Variants in AGPAT3 observed in about 807,000 individuals in gnomAD.
AGPAT3 encodes the protein 1-acyl-sn-glycerol-3-phosphate acyltransferase gamma.
AGPAT3 carries 5 observed loss-of-function variants against 47.3 expected under a neutral mutation model. The observed-to-expected ratio is 0.11, with a 90% CI of 0.06 to 0.22. The LOEUF (loss-of-function observed/expected upper bound fraction) is 0.22. AGPAT3 is among the 10% of genes least tolerant of loss of function. The probability of loss-of-function intolerance (pLI) is 1.00; values close to 1 mark genes in which losing one functional copy is unlikely to be tolerated. For missense variants in AGPAT3, 315 were observed against 493.0 expected (o/e 0.64, Z 3.42); for synonymous variants, 212 against 208.3 (o/e 1.02, Z -0.15).
rs1312624268 is a variant in AGPAT3, at chr21:43,952,936, C to A, written c.-48-6698C>A. On this transcript the variant is annotated intron_variant, in intron 2 of 9. Coordinates refer to ENST00000291572, the MANE Select transcript of AGPAT3 (RefSeq NM_020132.5). This position sits in a 1 kb window ranked among gnomAD's most constrained non-coding sequence, Gnocchi z 5.6. ...CCCAGGGTGCTGGGGGCTGCCCAGG[C>A]TATCTGCTGCGGTCAGGGTGTCAGT... 6.6e-6 allele frequency among the ~76,000 whole-genome samples: 1 copy of A among 152,156 alleles called. No individual in the cohort carries two copies. Among genetic ancestry groups the A allele is most frequent in the Non-Finnish European group, 1.5e-5 (1 of 68,026 alleles).
At position 43,961,115 on chromosome 21, in the gene AGPAT3, C is replaced by A. The variant is rs373446637; in HGVS notation, c.178+1256C>A. 5.3e-5 allele frequency among the ~76,000 whole-genome samples: 8 copies of A among 151,678 alleles called. No homozygotes were observed. In the East Asian group the frequency reaches 1.5e-3, roughly 29 times the overall value. On this transcript the variant is annotated intron_variant, in intron 3 of 9. Coordinates refer to ENST00000291572, the MANE Select transcript of AGPAT3 (RefSeq NM_020132.5). The stretch of plus-strand genomic sequence containing the variant: ...AGATCACACCACTGCACCACTCCAG[C>A]CTGGGCAACAGAGCAAGACTCTGTC...
chr21:43,959,801 G>A lies in AGPAT3; in HGVS notation c.120G>A (p.Pro40=), dbSNP rs191570129. Residue 40 remains proline, a synonymous_variant, in exon 3 of 10, where the codon CCG becomes CCA. Coordinates refer to ENST00000291572, the MANE Select transcript of AGPAT3 (RefSeq NM_020132.5). ...AGCTGTGCACGCTGGCGCTCTGGCC[G>A]GTCAGCAAGCAGCTCTACCGCCGCC... ...FVQLCTLALW[P]VSKQLYRRLN... 51 of 1,613,114 alleles carry A rather than the reference G, an allele frequency of 3.2e-5. No homozygotes were observed. The highest frequency in any genetic ancestry group is 6.7e-5 in the East Asian group (3 of 44,874).
intron 2 of AGPAT3, among the ~76,000 whole-genome samples, chr21:43,909,893 AG>A (rs2086592761): frequency 1.3e-5 from 2 of 152,000 alleles, no homozygotes; most frequent in Non-Finnish European, 2.9e-5. Flanking sequence ...CCCGGTGGGG[AG>A]GGGGGCCCAG....
intron 4 of AGPAT3, among the ~76,000 whole-genome samples, chr21:43,968,385 A>G (rs1044631009): frequency 1.1e-4 from 16 of 145,676 alleles, no homozygotes; most frequent in Admixed American, 5.4e-4. Flanking sequence ...AGTGAGCGGC[A>G]AGGGTCCTGG....
chr21:43,950,905 CT>C (rs1434082849), intron 2 of AGPAT3: 1 of 152,302 alleles, frequency 6.6e-6, no homozygotes, highest in African/African-American at 2.4e-5. Context: ...TATGGGACAC[CT>C]AGGCTGGCTT....
intron 1 of AGPAT3, among the ~76,000 whole-genome samples, chr21:43,899,955 C>T (rs1176166601): frequency 6.6e-6 from 1 of 152,178 alleles, no homozygotes; most frequent in African/African-American, 2.4e-5. Flanking sequence ...TGGAGCACCG[C>T]CTTCTTTTTG....
rs2086922209 is a variant in AGPAT3 at position 43,922,533 on chromosome 21, G to C, written c.-49+18514G>C. Among the ~76,000 whole-genome samples, 1 of 152,204 alleles carries C rather than the reference G, an allele frequency of 6.6e-6. No individual in the cohort carries two copies. The highest frequency in any genetic ancestry group is 1.5e-5 in the Non-Finnish European group (1 of 68,030). On this transcript the variant is annotated intron_variant, in intron 2 of 9. Coordinates refer to ENST00000291572, the MANE Select transcript of AGPAT3 (RefSeq NM_020132.5). The surrounding 1 kb of genome is among the most constrained non-coding windows in gnomAD (Gnocchi z 4.9). ...GCAGCACGTGGAGGAGAGTGTCCCT[G>C]TGTCCCTGGAAGAGAGGCCTGCATG...
chr21:43,891,024 C>T (rs2086092784), intron 1 of AGPAT3, among the ~76,000 whole-genome samples: 1 of 152,166 alleles, frequency 6.6e-6, no homozygotes, highest in African/African-American at 2.4e-5. Context: ...AGGTGTGAGC[C>T]ATAATGTCTG....
intron 2 of AGPAT3, among the ~76,000 whole-genome samples, chr21:43,938,606 A>G (rs996710428): frequency 3.3e-5 from 5 of 151,966 alleles, no homozygotes; most frequent in Admixed American, 1.3e-4. Context: ...CAAATCTTCT[A>G]TTTTGTTCAG....
At chr21:43,900,079 GA>G (rs1012277189) in intron 1 of AGPAT3, among the ~76,000 whole-genome samples, 3 of 152,206 alleles carry the variant, frequency 2.0e-5, no homozygotes, top group African/African-American at 7.2e-5. Context: ...GAGAGTAAAT[GA>G]TCTGGAGGTA....
intron 1 of AGPAT3, among the ~76,000 whole-genome samples, chr21:43,902,592 C>T (rs1367155391): frequency 6.6e-6 from 1 of 152,182 alleles, no homozygotes; most frequent in East Asian, 1.9e-4. Flanking sequence ...AGCAGCTGGC[C>T]CGTGTCTTTT....
intron 1 of AGPAT3, among the ~76,000 whole-genome samples, chr21:43,869,540 T>C (rs1269423396): frequency 2.0e-5 from 3 of 152,004 alleles, no homozygotes; most frequent in Non-Finnish European, 2.9e-5. Flanking sequence ...CACGATGAGA[T>C]GGGAAGTGCA....
Position 43,937,466 on chromosome 21 carries a change from A to G in AGPAT3, c.-48-22168A>G, listed in dbSNP as rs888919171. 2.6e-5 allele frequency among the ~76,000 whole-genome samples: 4 copies of G among 152,358 alleles called. No homozygotes were observed. In the East Asian group the frequency reaches 7.7e-4, roughly 29 times the overall value. ...CACCCTCTAGGTTGCTTTCCACTGC[A>G]GGCCTGTCTCCTTGAGGTGACATCG... On this transcript the variant is annotated intron_variant, in intron 2 of 9. Transcript: ENST00000291572.
rs569145628 is a variant in AGPAT3 at position 43,934,795 on chromosome 21, C to T, written c.-48-24839C>T. 4.7e-4 allele frequency among the ~76,000 whole-genome samples: 70 copies of T among 149,000 alleles called. No homozygotes were observed. The highest frequency in any genetic ancestry group is 1.6e-3 in the African/African-American group (65 of 40,324). On this transcript the variant is annotated intron_variant, in intron 2 of 9. Coordinates refer to ENST00000291572, the MANE Select transcript of AGPAT3 (RefSeq NM_020132.5). This position sits in a 1 kb window ranked among gnomAD's most constrained non-coding sequence, Gnocchi z 4.7. ...CATCACGCCACCCACGCCACTCACA[C>T]GCCACCCATGCCACCCACACCACCT... is the stretch of plus-strand genomic sequence containing the variant.
Position 43,926,636 on chromosome 21 carries a change from CTTTTTTTTTTTTTT to C in AGPAT3, c.-49+22633_-49+22646del, listed in dbSNP as rs557494803. Among the ~76,000 whole-genome samples the C allele has an allele frequency of 6.7e-4, 58 of 86,538 alleles. 1 individual carries two copies. The highest frequency in any genetic ancestry group is 2.8e-3 in the African/African-American group (56 of 19,958). 56.8% of individuals were successfully genotyped at this position (86,538 alleles called of 152,430 possible). On this transcript the variant is annotated intron_variant, in intron 2 of 9. Transcript: ENST00000291572. ...GGTAGCTTCCGTGAGCTACGCTGGCCTTTTTTTTTTTTTTTTTTTTTTTTTTTTTAATAAAAAGG... is the reference window on the plus strand; with the variant it reads ...GGTAGCTTCCGTGAGCTACGCTGGCCTTTTTTTTTTTTTTTAATAAAAAGG...
At chr21:43,927,319 AAG>A (rs1350758841) in intron 2 of AGPAT3, among the ~76,000 whole-genome samples, 19 of 152,246 alleles carry the variant, frequency 1.2e-4, no homozygotes, top group African/African-American at 4.1e-4. Context: ...ATCTTTAAAA[AAG>A]AACCCCACAG....
At chr21:43,900,053 G>C (rs548174851) in intron 1 of AGPAT3, among the ~76,000 whole-genome samples, 33 of 152,218 alleles carry the variant, frequency 2.2e-4, no homozygotes, top group Non-Finnish European at 3.5e-4. Flanking sequence ...TGTACTTTGA[G>C]TGAGATGTCT....
At chr21:43,915,519 C>T (rs1490132770) in intron 2 of AGPAT3, among the ~76,000 whole-genome samples, 1 of 130,736 alleles carries the variant, frequency 7.6e-6, no homozygotes, top group African/African-American at 2.9e-5. Flanking sequence ...TCAAGCGATT[C>T]TCCTGCCTCA....
chr21:43,921,785 C>T (rs2086899251), intron 2 of AGPAT3, among the ~76,000 whole-genome samples: 2 of 152,024 alleles, frequency 1.3e-5, no homozygotes, highest in Admixed American at 6.5e-5. Context: ...TGTTGATTCT[C>T]TGAGCTCTTT....
Sources: allele counts gnomAD v4.1 joint callset (sites outside exome capture counted in the v4.1 genomes callset), GRCh38; gene constraint gnomAD v4.1.1; non-coding constraint Gnocchi (gnomAD v3.1); transcripts MANE v1.5; gene names NCBI Gene and HGNC (gene_info 2026-07-23, HGNC 2026-07-21).